SMAP1: variants seen among roughly 807,000 people sequenced by gnomAD.
The protein encoded by SMAP1 is small ArfGAP 1.
SMAP1 carries 24 observed loss-of-function variants against 58.5 expected under a neutral mutation model. The observed-to-expected ratio is 0.41, with a 90% CI of 0.30 to 0.58. SMAP1 has a LOEUF of 0.58. Ranked by LOEUF, SMAP1 falls within the 20% of genes least tolerant of loss-of-function variation. The pLI, the probability that SMAP1 is intolerant of heterozygous loss-of-function variation, is 0.29. For missense variants in SMAP1, 563 were observed against 566.3 expected, an observed-to-expected ratio of 0.99 and a Z score of 0.06; for synonymous variants, 216 against 196.6, an observed-to-expected ratio of 1.10 and a Z score of -0.82.
intron 6 of SMAP1, among the ~76,000 whole-genome samples, chr6:70,836,459 G>A (rs1291367745): frequency 6.6e-6 from 1 of 152,144 alleles, no homozygotes; most frequent in Non-Finnish European, 1.5e-5. Flanking sequence ...GACACAGAAC[G>A]AAACTGTATC....
intron 1 of SMAP1, among the ~76,000 whole-genome samples, chr6:70,685,703 G>A (rs1766908039): frequency 6.6e-6 from 1 of 152,134 alleles, no homozygotes; most frequent in Non-Finnish European, 1.5e-5. Flanking sequence ...GACAATTGTT[G>A]ATTTGGGAGT....
chr6:70,825,245 G>A (rs1770065304), intron 6 of SMAP1, among the ~76,000 whole-genome samples: 1 of 152,070 alleles, frequency 6.6e-6, no homozygotes, highest in Non-Finnish European at 1.5e-5. Flanking sequence ...GGTAGCATTG[G>A]GGCTCTGTGA....
At chr6:70,807,069 T>C (rs1208337942) in intron 6 of SMAP1, among the ~76,000 whole-genome samples, 1 of 152,242 alleles carries the variant, frequency 6.6e-6, no homozygotes, top group Admixed American at 6.5e-5. Flanking sequence ...GTAAAAGAAC[T>C]GTGTTCATAT....
Position 70,791,740 on chromosome 6 carries a change from C to A in SMAP1, c.466C>A (p.Gln156Lys), listed in dbSNP as rs1259321904. ...GCCTTTGGTATCCTCTCCTTCTCTG[C>A]AAGCTGCTGTTGACAAAAATAAATT... ...LQPLVSSPSL[Q>K]AAVDKNKLEK... The change falls in exon 5 of 11, where the codon CAA (glutamine) becomes AAA (lysine). Residue 156 changes from glutamine (Q) to lysine (K), a missense_variant. Gln to Lys is a moderately conservative substitution (Grantham distance 53, BLOSUM62 1). Around this residue, in one of 3 missense-constraint regions of SMAP1, gnomAD observed 494 missense variants for 473.8 expected, o/e 1.04. Coordinates refer to ENST00000370455, the MANE Select transcript of SMAP1 (RefSeq NM_001044305.3). 1.9e-6 allele frequency: 3 copies of A among 1,613,438 alleles called. No individual in the cohort carries two copies. In the Admixed American group the frequency reaches 5.0e-5, roughly 27 times the overall value.
Position 70,727,520 on chromosome 6 carries a change from A to T in SMAP1, c.119-4858A>T, listed in dbSNP as rs377655823. Among the ~76,000 whole-genome samples the T allele has an allele frequency of 4.6e-5, 7 of 152,228 alleles. No homozygotes were observed. In the East Asian group the frequency reaches 7.7e-4, roughly 17 times the overall value. On this transcript the variant is annotated intron_variant, in intron 1 of 10. Transcript: ENST00000370455. The stretch of plus-strand genomic sequence containing the variant: ...TCCTGTGTCATTTGTACTTATTACT[A>T]TAACCATTATATGATTATTAGAGTT...
intron 2 of SMAP1, among the ~76,000 whole-genome samples, chr6:70,754,505 T>G (rs1766405449): frequency 6.6e-6 from 1 of 151,982 alleles, no homozygotes; most frequent in South Asian, 2.1e-4. Context: ...TTTTACAGAG[T>G]TTTAGGTCAG....
intron 6 of SMAP1, among the ~76,000 whole-genome samples, chr6:70,800,413 A>C (rs1370838175): frequency 6.6e-6 from 1 of 152,156 alleles, no homozygotes; most frequent in Non-Finnish European, 1.5e-5. Flanking sequence ...GTAGCTCTCT[A>C]TACACATATA....
At chr6:70,721,700 C>T (rs1296156828) in intron 1 of SMAP1, among the ~76,000 whole-genome samples, 1 of 152,312 alleles carries the variant, frequency 6.6e-6, no homozygotes, top group Non-Finnish European at 1.5e-5. Flanking sequence ...ATTGGACTTA[C>T]AGTTCCACAT....
intron 1 of SMAP1, among the ~76,000 whole-genome samples, chr6:70,700,287 G>T (rs1001916909): frequency 6.6e-6 from 1 of 152,184 alleles, no homozygotes; most frequent in Non-Finnish European, 1.5e-5. Flanking sequence ...ACAGCCAGCA[G>T]AACAGTGAAC....
At chr6:70,713,249 G>A (rs1425583774) in intron 1 of SMAP1, among the ~76,000 whole-genome samples, 1 of 151,462 alleles carries the variant, frequency 6.6e-6, no homozygotes, top group Non-Finnish European at 1.5e-5. Context: ...TTTTCCTGTG[G>A]TTTTTCTATG....
intron 6 of SMAP1, among the ~76,000 whole-genome samples, chr6:70,805,613 T>A (rs1372779624): frequency 6.6e-6 from 1 of 152,198 alleles, no homozygotes; most frequent in African/African-American, 2.4e-5. Flanking sequence ...GCTTTTCTGC[T>A]CTGGTTTCTT....
intron 1 of SMAP1, among the ~76,000 whole-genome samples, chr6:70,690,362 A>G (rs2149817014): frequency 6.6e-6 from 1 of 151,896 alleles, no homozygotes; most frequent in South Asian, 2.1e-4. Flanking sequence ...GCTGGAGTGC[A>G]GTGGTGCGAT....
chr6:70,746,215 T>C (rs576320421), intron 2 of SMAP1, among the ~76,000 whole-genome samples: 2 of 152,322 alleles, frequency 1.3e-5, no homozygotes, highest in East Asian at 3.9e-4. Flanking sequence ...CTATGTTGAA[T>C]AGGAGTGGTG....
chr6:70,783,239 G>T (rs965086617), intron 4 of SMAP1, among the ~76,000 whole-genome samples: 2 of 152,184 alleles, frequency 1.3e-5, no homozygotes, highest in Middle Eastern at 3.2e-3. Context: ...GCAGCTGAGG[G>T]TCCTGTCTGT....
intron 6 of SMAP1, among the ~76,000 whole-genome samples, chr6:70,827,419 C>G (rs1325851301): frequency 6.6e-6 from 1 of 152,152 alleles, no homozygotes; most frequent in Non-Finnish European, 1.5e-5. Flanking sequence ...GACCAAAGGT[C>G]TGGTATGAAT....
At chr6:70,731,284 A>G (rs1765422250) in intron 1 of SMAP1, among the ~76,000 whole-genome samples, 1 of 152,200 alleles carries the variant, frequency 6.6e-6, no homozygotes. Context: ...CAATTTTTAA[A>G]ATTATTATGA....
chr6:70,781,459 C>T (rs908394387), intron 4 of SMAP1, among the ~76,000 whole-genome samples: 4 of 152,098 alleles, frequency 2.6e-5, no homozygotes, highest in Non-Finnish European at 5.9e-5. Flanking sequence ...AAAATGATTT[C>T]TAGACTTCTG....
At chr6:70,668,260 G>A in intron 1 of SMAP1, 119 bp downstream of exon 1, 1 of 954,410 alleles carries the variant, frequency 1.0e-6, no homozygotes, top group Non-Finnish European at 1.5e-6. Flanking sequence ...CTCCTGCCCT[G>A]ACTGGAGGGC....
intron 1 of SMAP1, among the ~76,000 whole-genome samples, chr6:70,701,163 C>T (rs927947704): frequency 2.6e-5 from 4 of 152,184 alleles, no homozygotes; most frequent in African/African-American, 9.6e-5. Context: ...TCACTGCTAC[C>T]TCCACCTCCT....
Sources: allele counts gnomAD v4.1 joint callset (sites outside exome capture counted in the v4.1 genomes callset), GRCh38; gene constraint gnomAD v4.1.1; regional missense constraint gnomAD v4.1.1; transcripts MANE v1.5; gene names NCBI Gene and HGNC (gene_info 2026-07-23, HGNC 2026-07-21).